The following ACOT12 variants were observed in gnomAD, a reference collection of about 807,000 sequenced individuals.
ACOT12 encodes the protein acyl-CoA thioesterase 12, also known as acetyl-coenzyme A thioesterase.
ACOT12 carries 51 observed loss-of-function variants against 67.7 expected under a neutral mutation model. The ratio of observed to expected loss-of-function variants is 0.75; its 90% CI spans 0.60 to 0.95. The LOEUF (loss-of-function observed/expected upper bound fraction) is 0.95. Among genes scored for constraint, ACOT12 ranks in the 40% least tolerant of loss-of-function variants. The pLI is 0.00. For synonymous variants in ACOT12, 251 were observed against 244.6 expected (o/e 1.03, Z -0.24); for missense variants, 734 against 708.1 (o/e 1.04, Z -0.41).
At chr5:81,325,964 C>G (rs1256073853), downstream of ACOT12, among the ~76,000 whole-genome samples, 2 of 151,968 alleles carry the variant, frequency 1.3e-5, no homozygotes, top group Admixed American at 1.3e-4. Context: ...CATGCACCAC[C>G]ATGCCTGGTT....
the ACOT12 span, among the ~76,000 whole-genome samples, chr5:81,322,963 C>A: frequency 6.6e-6 from 1 of 150,842 alleles, no homozygotes; most frequent in Non-Finnish European, 1.5e-5. Context: ...ATAGGGATTA[C>A]AATTCAAGGT....
At chr5:81,325,129 A>G (rs1457972571), downstream of ACOT12, among the ~76,000 whole-genome samples, 1 of 152,226 alleles carries the variant, frequency 6.6e-6, no homozygotes, top group African/African-American at 2.4e-5. Flanking sequence ...AGGGGTAGAG[A>G]TATTTCATCC....
chr5:81,342,443 A>T (rs965203041), intron 11 of ACOT12, among the ~76,000 whole-genome samples: 3 of 152,148 alleles, frequency 2.0e-5, no homozygotes, highest in Admixed American at 2.0e-4. Flanking sequence ...GAGAGACGGG[A>T]TGTGAGAACC....
intron 12 of ACOT12, among the ~76,000 whole-genome samples, chr5:81,333,056 G>T (rs1758880083): frequency 7.0e-6 from 1 of 142,168 alleles, no homozygotes; most frequent in African/African-American, 2.7e-5. Flanking sequence ...GTGACACAGT[G>T]AGATCTTAAA....
In ACOT12 at chr5:81,359,944, T is replaced by C. The variant is rs1230426998; in HGVS notation, c.455A>G (p.Asp152Gly). 1 of 1,612,440 alleles carries C rather than the reference T, an allele frequency of 6.2e-7. No individual in the cohort carries two copies. Among genetic ancestry groups the C allele is most frequent in the Non-Finnish European group, 8.5e-7 (1 of 1,179,588 alleles). ...ERRKVRLQHE[D>G]TFNNLMKESS... ...TTCCTTCATTAAATTGTTAAAGGTA[T>C]CTTCATGTTGTAATCGAACTTTCCT... The change falls in exon 5 of 15, where the codon GAT (aspartate) becomes GGT (glycine). Residue 152 changes from aspartate to glycine, a missense_variant. Coordinates refer to ENST00000307624, the MANE Select transcript of ACOT12 (RefSeq NM_130767.3).
chr5:81,352,784 C>T (rs1759592200), intron 5 of ACOT12, among the ~76,000 whole-genome samples: 1 of 152,060 alleles, frequency 6.6e-6, no homozygotes, highest in African/African-American at 2.4e-5. Context: ...GTGGATACCC[C>T]ATTTTACATG....
At chr5:81,358,243 C>T (rs1215046262) in intron 5 of ACOT12, among the ~76,000 whole-genome samples, 17 of 152,098 alleles carry the variant, frequency 1.1e-4, no homozygotes, top group African/African-American at 2.4e-5. Flanking sequence ...CTTGAGTTTC[C>T]TAAGATGTCC....
chr5:81,344,977 G>C lies in ACOT12; in HGVS notation c.838C>G (p.His280Asp). The C allele has an allele frequency of 6.2e-7, 1 of 1,614,186 alleles. No homozygotes were observed. The highest frequency in any genetic ancestry group is 8.5e-7 in the Non-Finnish European group (1 of 1,180,016). ...CQEWAEGRGR[H>D]INSAFLIYNA... ...TAAATGAGAAAAGCACTGTTGATGTGACGCCCTCGGCCCTCGGCCCATTCC... is the reference window on the plus strand; with the variant it reads ...TAAATGAGAAAAGCACTGTTGATGTCACGCCCTCGGCCCTCGGCCCATTCC... Residue 280 changes from histidine to aspartate, a missense_variant, in exon 8 of 15, where the codon CAC (histidine) becomes GAC (aspartate). By Grantham distance (81) the His-to-Asp change is moderately conservative. Coordinates refer to ENST00000307624, the MANE Select transcript of ACOT12 (RefSeq NM_130767.3).
At chr5:81,378,431 G>A (rs1285524070) in intron 2 of ACOT12, among the ~76,000 whole-genome samples, 1 of 152,136 alleles carries the variant, frequency 6.6e-6, no homozygotes, top group Non-Finnish European at 1.5e-5. Context: ...CGTGGGCAAA[G>A]ACTTCATGAC....
chr5:81,338,163 A>C (rs968172896), intron 11 of ACOT12, among the ~76,000 whole-genome samples: 3 of 152,154 alleles, frequency 2.0e-5, no homozygotes, highest in African/African-American at 7.2e-5. Context: ...TTAGTGAAAA[A>C]ATTTTCCAGG....
downstream of ACOT12, among the ~76,000 whole-genome samples, chr5:81,326,490 G>T (rs373709741): frequency 6.6e-6 from 1 of 152,086 alleles, no homozygotes; most frequent in Non-Finnish European, 1.5e-5. Context: ...CAAGACTTTT[G>T]GTTCAGAGAT....
chr5:81,351,577 A>C (rs745660239), intron 5 of ACOT12, among the ~76,000 whole-genome samples: 2 of 152,200 alleles, frequency 1.3e-5, no homozygotes, highest in Non-Finnish European at 2.9e-5. Flanking sequence ...CTAGACCACT[A>C]TCTCTTACCA....
At chr5:81,330,965 C>T in intron 13 of ACOT12, 25 bp from the exon 14 acceptor site, 2 of 1,562,770 alleles carry the variant, frequency 1.3e-6, no homozygotes, top group Non-Finnish European at 1.7e-6. Context: ...TTTCTAAGCT[C>T]TTGTGAGAAA....
downstream of ACOT12, among the ~76,000 whole-genome samples, chr5:81,325,165 A>G (rs12519433): frequency 0.5 from 75,681 of 151,962 alleles, 19,284 homozygotes; most frequent in Admixed American, 0.62. Context: ...AAAGCAAAGA[A>G]GTGAAAGGCG....
At chr5:81,330,608 T>A in intron 14 of ACOT12, 65 bp from the exon 15 acceptor site, 6 of 1,573,568 alleles carry the variant, frequency 3.8e-6, no homozygotes, top group Non-Finnish European at 5.2e-6. Context: ...CAAGAAAGGA[T>A]CTGAGTCTTG....
At chr5:81,365,853 T>C (rs182889055) in intron 3 of ACOT12, among the ~76,000 whole-genome samples, 2 of 152,206 alleles carry the variant, frequency 1.3e-5, no homozygotes, top group Non-Finnish European at 2.9e-5. Context: ...CTAAAATTTG[T>C]GGGTTAGAGT....
At chr5:81,321,346 C>T in the ACOT12 span, among the ~76,000 whole-genome samples, 7 of 152,182 alleles carry the variant, frequency 4.6e-5, no homozygotes, top group Non-Finnish European at 1.0e-4. Context: ...TCCTTCAGGC[C>T]TCTTTTGTAA....
the ACOT12 span, among the ~76,000 whole-genome samples, chr5:81,314,096 T>TTGTG: frequency 1.5e-4 from 23 of 151,792 alleles, no homozygotes; most frequent in South Asian, 4.2e-4. Flanking sequence ...GGATTACTTT[T>TTGTG]TGTGTGTGTG....
At chr5:81,333,573 G>A (rs1758899989) in intron 12 of ACOT12, among the ~76,000 whole-genome samples, 1 of 152,174 alleles carries the variant, frequency 6.6e-6, no homozygotes, top group Admixed American at 6.5e-5. Flanking sequence ...ACTTCAATTT[G>A]GCTGGAATGT....
Sources: gnomAD v4.1 joint callset for allele counts (sites outside exome capture counted in the v4.1 genomes callset) on GRCh38, gnomAD v4.1.1 for gene constraint, MANE v1.5 for transcripts, NCBI Gene and HGNC (gene_info 2026-07-23, HGNC 2026-07-21) for gene names.